RFTN1: variants seen among roughly 807,000 people sequenced by gnomAD.
The protein encoded by RFTN1 is raftlin.
RFTN1 carries 26 observed loss-of-function variants against 46.5 expected under a neutral mutation model. The ratio of observed to expected loss-of-function variants is 0.56; its 90% CI spans 0.41 to 0.78. The LOEUF (loss-of-function observed/expected upper bound fraction) is 0.78, where lower values mean the gene tolerates loss of function less well. Among genes scored for constraint, RFTN1 ranks in the 30% least tolerant of loss-of-function variants. The pLI, the probability that RFTN1 is intolerant of heterozygous loss-of-function variation, is 0.00. For missense variants in RFTN1, 693 were observed against 718.7 expected (o/e 0.96, Z 0.41); for synonymous variants, 261 against 284.2 (o/e 0.92, Z 0.82).
rs1013667178 is a variant in RFTN1, at chr3:16,421,176, G to A, written c.333-11693C>T. On this transcript the variant is annotated intron_variant, in intron 3 of 9. Coordinates refer to ENST00000334133, the MANE Select transcript of RFTN1 (RefSeq NM_015150.2). The surrounding 1 kb of genome is among the most constrained non-coding windows in gnomAD (Gnocchi z 4.6). ...GATGAAATAAGCAATATTTTATAAT[G>A]ATGATCACAGTAAGTTCACACTATT... is the stretch of plus-strand genomic sequence containing the variant. Among the ~76,000 whole-genome samples the A allele has an allele frequency of 6.6e-6, 1 of 152,154 alleles. No individual in the cohort carries two copies. Among genetic ancestry groups the A allele is most frequent in the African/African-American group, 2.4e-5 (1 of 41,430 alleles).
At chr3:16,430,175 C>T (rs2075357843) in intron 3 of RFTN1, among the ~76,000 whole-genome samples, 1 of 152,130 alleles carries the variant, frequency 6.6e-6, no homozygotes, top group Non-Finnish European at 1.5e-5. Context: ...TGCAATAACA[C>T]AGTCACATCC....
At chr3:16,388,365 G>C (rs71310336) in intron 4 of RFTN1, among the ~76,000 whole-genome samples, 4,547 of 152,288 alleles carry the variant, frequency 0.03, 91 homozygotes, top group Non-Finnish European at 0.042. Context: ...TTTATTAAAG[G>C]AATGAATAGG....
rs781454608 is a variant in RFTN1 at position 16,353,744 on chromosome 3, C to A, written c.1146+4188G>T. On this transcript the variant is annotated intron_variant, in intron 7 of 9. Transcript: ENST00000334133. This position sits in a 1 kb window ranked among gnomAD's most constrained non-coding sequence, Gnocchi z 5.4. ...TTATAAGAAGAGACACCAGAGTAGC[C>A]CCCTCCCACCTGTGCGTGCTCAGAG... Among the ~76,000 whole-genome samples the A allele has an allele frequency of 6.6e-6, 1 of 152,034 alleles. No homozygotes were observed. Among genetic ancestry groups the A allele is most frequent in the Admixed American group, 6.6e-5 (1 of 15,264 alleles).
intron 4 of RFTN1, among the ~76,000 whole-genome samples, chr3:16,397,082 AAAAAG>A (rs1211555306): frequency 2.6e-5 from 4 of 151,836 alleles, no homozygotes; most frequent in Admixed American, 6.6e-5. Flanking sequence ...AAAAAAAAAA[AAAAAG>A]AGAGAGAGAA....
At chr3:16,471,472 T>A (rs2076194278) in intron 2 of RFTN1, among the ~76,000 whole-genome samples, 1 of 152,194 alleles carries the variant, frequency 6.6e-6, no homozygotes, top group South Asian at 2.1e-4. Flanking sequence ...GTTGCCATAA[T>A]TCACATACAG....
Position 16,327,478 on chromosome 3 carries a change from G to A in RFTN1, c.1147-602C>T, listed in dbSNP as rs190222337. Among the ~76,000 whole-genome samples the A allele has an allele frequency of 6.9e-4, 105 of 152,286 alleles. 1 individual carries two copies. The highest frequency in any genetic ancestry group is 2.5e-4 in the Non-Finnish European group (17 of 68,026). On this transcript the variant is annotated intron_variant, in intron 7 of 9. Transcript: ENST00000334133. This position sits in a 1 kb window ranked among gnomAD's most constrained non-coding sequence, Gnocchi z 4.2. ...TCTTTCAGTTAAAAAACTCAGCCCC[G>A]GCCGGGTGCTGTGGCTCACGTCTGT...
rs543053080 is a variant in RFTN1, at chr3:16,386,114, G to C, written c.442-8012C>G. Among the ~76,000 whole-genome samples the C allele has an allele frequency of 3.9e-5, 6 of 152,330 alleles. No homozygotes were observed. The East Asian group carries it at 1.2e-3, about 29-fold the overall frequency. The stretch of plus-strand genomic sequence containing the variant: ...GCATGCCAGCCTTCCCAGTCTGTTA[G>C]TTCTGTGGCTGTCAAAATCCATTAT... On this transcript the variant is annotated intron_variant, in intron 4 of 9. Coordinates refer to ENST00000334133, the MANE Select transcript of RFTN1 (RefSeq NM_015150.2).
chr3:16,386,826 C>T (rs560363130), intron 4 of RFTN1, among the ~76,000 whole-genome samples: 1 of 152,034 alleles, frequency 6.6e-6, no homozygotes, highest in South Asian at 2.1e-4. Flanking sequence ...AACTGCAGAG[C>T]TCATGGGAAA....
At chr3:16,423,283 T>C (rs990524256) in intron 3 of RFTN1, among the ~76,000 whole-genome samples, 9 of 152,142 alleles carry the variant, frequency 5.9e-5, no homozygotes, top group Non-Finnish European at 8.8e-5. Flanking sequence ...CTGTCACAAC[T>C]GCAGGGATGG....
At chr3:16,411,352 T>A (rs1358240691) in intron 3 of RFTN1, among the ~76,000 whole-genome samples, 1 of 152,186 alleles carries the variant, frequency 6.6e-6, no homozygotes, top group African/African-American at 2.4e-5. Flanking sequence ...CACCTTAAAT[T>A]TAAAAGTGAA....
Position 16,344,867 on chromosome 3 carries a change from A to G in RFTN1, c.1146+13065T>C, listed in dbSNP as rs907239906. Among the ~76,000 whole-genome samples, 11 of 152,236 alleles carry G rather than the reference A, an allele frequency of 7.2e-5. No homozygotes were observed. Among genetic ancestry groups the G allele is most frequent in the Non-Finnish European group, 1.2e-4 (8 of 68,040 alleles). On this transcript the variant is annotated intron_variant, in intron 7 of 9. Coordinates refer to ENST00000334133, the MANE Select transcript of RFTN1 (RefSeq NM_015150.2). This position sits in a 1 kb window ranked among gnomAD's most constrained non-coding sequence, Gnocchi z 4.4. ...TGGTAGTGAGTGAACACATAACTAC[A>G]AGAACACCCCCCAACCTTTTATGCT...
rs1433086315 is a variant in RFTN1, at chr3:16,353,616, C to CA, written c.1146+4315dup. Among the ~76,000 whole-genome samples the CA allele has an allele frequency of 3.3e-5, 5 of 152,170 alleles. No homozygotes were observed. The highest frequency in any genetic ancestry group is 7.3e-5 in the Non-Finnish European group (5 of 68,030). ...TCCCACAATGCGTATGTTGAGGCTC[C>CA]AAGCCCTAGTTTGGCTGTATTTGGA... is the stretch of plus-strand genomic sequence containing the variant. On this transcript the variant is annotated intron_variant, in intron 7 of 9. Transcript: ENST00000334133. This position sits in a 1 kb window ranked among gnomAD's most constrained non-coding sequence, Gnocchi z 5.4.
At chr3:16,493,312 A>G (rs370250432) in intron 2 of RFTN1, among the ~76,000 whole-genome samples, 98 of 151,030 alleles carry the variant, frequency 6.5e-4, no homozygotes, top group African/African-American at 1.9e-3. Context: ...GCTCACTGCA[A>G]CCTCCGCCTC....
intron 4 of RFTN1, among the ~76,000 whole-genome samples, chr3:16,396,997 A>T (rs759178239): frequency 6.7e-6 from 1 of 149,424 alleles, no homozygotes; most frequent in Non-Finnish European, 1.5e-5. Context: ...TGGGAGGCAG[A>T]GGTTGCAGTG....
rs2076919265 is a variant in RFTN1, at chr3:16,512,521, G to A, written c.-9+921C>T. On this transcript the variant is annotated intron_variant, in intron 1 of 9. Transcript: ENST00000334133. This position sits in a 1 kb window ranked among gnomAD's most constrained non-coding sequence, Gnocchi z 4.3. ...GGATCACCCATAACCACACAGGGCA[G>A]CTGAGGGCAAGCACAGAGTCACAGA... is the stretch of plus-strand genomic sequence containing the variant. Among the ~76,000 whole-genome samples the A allele has an allele frequency of 2.0e-5, 3 of 152,262 alleles. No homozygotes were observed. Among genetic ancestry groups the A allele is most frequent in the African/African-American group, 4.8e-5 (2 of 41,536 alleles).
At chr3:16,373,464 T>G (rs1209744487) in intron 5 of RFTN1, among the ~76,000 whole-genome samples, 2 of 152,236 alleles carry the variant, frequency 1.3e-5, no homozygotes, top group Non-Finnish European at 2.9e-5. Context: ...CTTGCCAGGC[T>G]ACTAGGGAGT....
intron 7 of RFTN1, among the ~76,000 whole-genome samples, chr3:16,328,633 A>G (rs1393530558): frequency 1.3e-5 from 2 of 152,234 alleles, no homozygotes; most frequent in African/African-American, 4.8e-5. Flanking sequence ...AGCCGGCAGC[A>G]TCAGCATCAC....
At position 16,337,444 on chromosome 3, in the gene RFTN1, G is replaced by A. The variant is rs1298745672; in HGVS notation, c.1147-10568C>T. ...CTCTAGGAGGAAAATTGTAATGAAA[G>A]TCACCTCATTGATTTGTGGCCGGGC... On this transcript the variant is annotated intron_variant, in intron 7 of 9. Coordinates refer to ENST00000334133, the MANE Select transcript of RFTN1 (RefSeq NM_015150.2). The surrounding 1 kb of genome is among the most constrained non-coding windows in gnomAD (Gnocchi z 5.0). 2 of 152,150 alleles carry A rather than the reference G, an allele frequency of 1.3e-5. No individual in the cohort carries two copies. Among genetic ancestry groups the A allele is most frequent in the East Asian group, 1.9e-4 (1 of 5,192 alleles). 9.4% of individuals were successfully genotyped at this position (152,150 alleles called of 1,614,324 possible). A position where few individuals can be genotyped will look rare whatever the true frequency, so the allele number is the denominator to read the frequency against.
rs2075741953 is a variant in RFTN1 at position 16,446,923 on chromosome 3, TA to T, written c.146-12887del. Among the ~76,000 whole-genome samples, 1 of 152,160 alleles carries T rather than the reference TA, an allele frequency of 6.6e-6. No individual in the cohort carries two copies. Among genetic ancestry groups the T allele is most frequent in the Admixed American group, 6.5e-5 (1 of 15,276 alleles). ...TCAAAAGCTTCTGAATATAGTAATA[TA>T]AAATGACAAACTATGGAAACTATTG... On this transcript the variant is annotated intron_variant, in intron 2 of 9. Transcript: ENST00000334133. This position sits in a 1 kb window ranked among gnomAD's most constrained non-coding sequence, Gnocchi z 4.5.
Sources: allele counts gnomAD v4.1 joint callset (sites outside exome capture counted in the v4.1 genomes callset), GRCh38; gene constraint gnomAD v4.1.1; non-coding constraint Gnocchi (gnomAD v3.1); transcripts MANE v1.5; gene names NCBI Gene and HGNC (gene_info 2026-07-23, HGNC 2026-07-21).